Variants in PTS observed in about 807,000 individuals in gnomAD.
PTS encodes the protein 6-pyruvoyl tetrahydrobiopterin synthase.
In PTS, 23 loss-of-function variants were observed where a neutral mutation model predicts 20.6. The observed-to-expected ratio is 1.12, with a 90% CI of 0.80 to 1.58. The LOEUF (loss-of-function observed/expected upper bound fraction) is 1.58, where lower values mean the gene tolerates loss of function less well. Ranked by LOEUF, PTS falls within the 40% of genes most tolerant of loss-of-function variation. PTS has a pLI of 0.00. For synonymous variants in PTS, 65 were observed against 62.5 expected (o/e 1.04, Z -0.19); for missense variants, 186 against 182.4 (o/e 1.02, Z -0.11).
chr11:112,232,146 TG>T (rs1323278772), intron 4 of PTS, among the ~76,000 whole-genome samples: 1 of 151,924 alleles, frequency 6.6e-6, no homozygotes. Flanking sequence ...AGCTCTACCG[TG>T]GGGGGAGGAT....
chr11:112,231,820 A>C (rs1859938026), intron 4 of PTS, among the ~76,000 whole-genome samples: 1 of 145,234 alleles, frequency 6.9e-6, no homozygotes, highest in Non-Finnish European at 1.5e-5. Flanking sequence ...AAAGTTATAC[A>C]GATAGGGCCA....
At chr11:112,230,183 T>C in intron 2 of PTS, 25 bp from the exon 3 acceptor site, 3 of 1,608,426 alleles carry the variant, frequency 1.9e-6, no homozygotes, top group Non-Finnish European at 2.6e-6. Flanking sequence ...TGCTGTTTTT[T>C]TTGTATTTTG....
At chr11:112,231,085 T>A (rs561871033) in intron 4 of PTS, among the ~76,000 whole-genome samples, 93 of 151,122 alleles carry the variant, frequency 6.2e-4, no homozygotes, top group Non-Finnish European at 1.1e-3. Context: ...GAGGTAGGGG[T>A]CTCACTATGT....
rs1286723180 is a variant in PTS, at chr11:112,233,414, T to C, written c.315-18T>C. 2 of 1,590,654 alleles carry C rather than the reference T, an allele frequency of 1.3e-6. No homozygotes were observed. The highest frequency in any genetic ancestry group is 2.2e-5 in the East Asian group (1 of 44,736). On this transcript the variant is annotated intron_variant, in intron 5 of 5. Transcript: ENST00000280362. ...TTGCATTTTGAATTTTTTTTGTTTT[T>C]GTTTTTTTTTCTTATAGCACGACTG...
Position 112,229,118 on chromosome 11 carries a change from A to T in PTS, c.163+445A>T, listed in dbSNP as rs550201823. On this transcript the variant is annotated intron_variant, in intron 2 of 5. Transcript: ENST00000280362. ...GAAAGTAGGTAATTTGTTCAAGGAT[A>T]AGAGACTTGATTCTTTGAGGTACAG... is the stretch of plus-strand genomic sequence containing the variant. The T allele has an allele frequency of 1.0e-3, 185 of 185,850 alleles. 1 individual carries two copies. Among genetic ancestry groups the T allele is most frequent in the African/African-American group, 4.0e-3 (168 of 41,908 alleles). The allele number at this position is 185,850 out of a possible 1,614,324, so 11.5% of individuals were successfully genotyped here.
chr11:112,230,483 T>C (rs773477708), intron 3 of PTS, 143 bp from the exon 4 acceptor site: 1 of 839,372 alleles, frequency 1.2e-6, no homozygotes, highest in Non-Finnish European at 2.0e-6. Flanking sequence ...GCTTCCATGC[T>C]GAGGTCAATG....
rs1555198458 is a variant in PTS at position 112,233,215 on chromosome 11, A to G, written c.296A>G (p.Tyr99Cys). The G allele has an allele frequency of 2.5e-6, 4 of 1,614,086 alleles. No individual in the cohort carries two copies. Among genetic ancestry groups the G allele is most frequent in the Non-Finnish European group, 3.4e-6 (4 of 1,179,962 alleles). Residue 99 changes from tyrosine to cysteine, a missense_variant, in exon 5 of 6, where the codon TAC (tyrosine) becomes TGC (cysteine). By Grantham distance (194) the Tyr-to-Cys change is radical (BLOSUM62 -2). Coordinates refer to ENST00000280362, the MANE Select transcript of PTS (RefSeq NM_000317.3). ...DHKNLDMDVP[Y>C]FADVVSTTEN... is the part of the protein sequence containing the mutation. ...AAGAATCTGGATATGGATGTGCCATACTTTGCAGATGTGGTGAGGTGGGTG... is the reference window on the plus strand; with the variant it reads ...AAGAATCTGGATATGGATGTGCCATGCTTTGCAGATGTGGTGAGGTGGGTG...
intron 1 of PTS, among the ~76,000 whole-genome samples, chr11:112,227,249 T>C (rs1859878144): frequency 6.6e-6 from 1 of 152,070 alleles, no homozygotes; most frequent in Non-Finnish European, 1.5e-5. Context: ...CATCGCTATC[T>C]AACAGGATTC....
chr11:112,228,042 C>G (rs1204302885), intron 1 of PTS, among the ~76,000 whole-genome samples: 1 of 152,172 alleles, frequency 6.6e-6, no homozygotes, highest in African/African-American at 2.4e-5. Context: ...AATTCACCTG[C>G]TTGGAATATT....
In PTS at chr11:112,226,512, C is replaced by G; in HGVS notation, c.69C>G (p.Ser23Arg). 6.3e-7 allele frequency: 1 copy of G among 1,583,792 alleles called. No homozygotes were observed. The highest frequency in any genetic ancestry group is 8.6e-7 in the Non-Finnish European group (1 of 1,167,380). The change falls in exon 1 of 6, where the codon AGC becomes AGG. Residue 23 changes from serine (S) to arginine (R), a missense_variant. By Grantham distance (110) the Ser-to-Arg change is moderately radical. Transcript: ENST00000280362. ...QVSRRISFSA[S>R]HRLYSKFLSD... ...CCCGCCGCATCTCCTTCAGCGCGAG[C>G]CACCGATTGTACAGGTAGGGTGTGC...
In PTS at chr11:112,233,699, A is replaced by T. The variant is rs1408053968; in HGVS notation, c.*144A>T. 1 of 1,206,160 alleles carries T rather than the reference A, an allele frequency of 8.3e-7. No individual in the cohort carries two copies. The highest frequency in any genetic ancestry group is 1.5e-5 in the African/African-American group (1 of 65,338). The allele number at this position is 1,206,160 out of a possible 1,614,324, so 74.7% of individuals were successfully genotyped here. ...AGTGCCTATTTATTGAAATCATTGT[A>T]AGACCTGTTATAAATTTAAGTCTAT... On this transcript the variant is annotated 3_prime_UTR_variant, in exon 6 of 6. Transcript: ENST00000280362.
At chr11:112,231,018 C>CTT (rs1391811738) in intron 4 of PTS, among the ~76,000 whole-genome samples, 99 of 137,404 alleles carry the variant, frequency 7.2e-4, no homozygotes, top group African/African-American at 2.4e-3. Context: ...TACTGTCTTT[C>CTT]TTTTTTTTTT....
intron 1 of PTS, among the ~76,000 whole-genome samples, chr11:112,227,747 C>T (rs1044472169): frequency 2.6e-5 from 4 of 151,902 alleles, no homozygotes; most frequent in Non-Finnish European, 5.9e-5. Context: ...GGCACCAAGC[C>T]ATTCATAAGG....
At chr11:112,229,678 C>T (rs1424276452) in intron 2 of PTS, among the ~76,000 whole-genome samples, 1 of 152,236 alleles carries the variant, frequency 6.6e-6, no homozygotes, top group East Asian at 1.9e-4. Flanking sequence ...AGGCTTGAGC[C>T]ACCACGCCTG....
intron 2 of PTS, chr11:112,229,952 G>A (rs1010706562): frequency 3.6e-6 from 2 of 556,270 alleles, no homozygotes; most frequent in Non-Finnish European, 6.4e-6. Flanking sequence ...ACCCTTTTCA[G>A]CCTTGGCCGA....
At chr11:112,228,722 G>A (rs373958715) in intron 2 of PTS, 49 bp downstream of exon 2, 39 of 1,504,174 alleles carry the variant, frequency 2.6e-5, no homozygotes, top group Non-Finnish European at 3.3e-5. Flanking sequence ...GGATGAAAGA[G>A]TATTCAGCAA....
At chr11:112,232,902 G>C (rs1048516896) in intron 4 of PTS, among the ~76,000 whole-genome samples, 1 of 152,208 alleles carries the variant, frequency 6.6e-6, no homozygotes, top group Non-Finnish European at 1.5e-5. Context: ...TTGCGAGAAA[G>C]CTCCAGGAAT....
At chr11:112,228,443 A>G in intron 1 of PTS, 151 bp from the exon 2 acceptor site, 1 of 673,204 alleles carries the variant, frequency 1.5e-6, no homozygotes, top group Non-Finnish European at 2.5e-6. Flanking sequence ...TAATAAAATC[A>G]ACATGATTTC....
At position 112,233,216 on chromosome 11, in the gene PTS, C is replaced by A. The variant is rs145882709; in HGVS notation, c.297C>A (p.Tyr99Ter). Reference sequence around the variant, plus strand: ...AGAATCTGGATATGGATGTGCCATACTTTGCAGATGTGGTGAGGTGGGTGG... The same window carrying A: ...AGAATCTGGATATGGATGTGCCATAATTTGCAGATGTGGTGAGGTGGGTGG... ...DHKNLDMDVP[Y>*]FADVVSTTEN... The change falls in exon 5 of 6, where the codon TAC becomes TAA. Residue 99 changes from tyrosine to a stop codon, truncating the protein, a stop_gained. Coordinates refer to ENST00000280362, the MANE Select transcript of PTS (RefSeq NM_000317.3). LOFTEE classifies it high-confidence loss of function. 39 of 1,613,894 alleles carry A rather than the reference C, an allele frequency of 2.4e-5. No homozygotes were observed. Among genetic ancestry groups the A allele is most frequent in the Non-Finnish European group, 3.1e-5 (37 of 1,179,910 alleles).
Sources: allele counts gnomAD v4.1 joint callset (sites outside exome capture counted in the v4.1 genomes callset), GRCh38; gene constraint gnomAD v4.1.1; transcripts MANE v1.5; gene names NCBI Gene and HGNC (gene_info 2026-07-23, HGNC 2026-07-21).